Variants in FLT1 observed in about 807,000 individuals in gnomAD.
FLT1 encodes the protein fms related receptor tyrosine kinase 1.
FLT1 carries 49 observed loss-of-function variants against 156.3 expected under a neutral mutation model. The ratio of observed to expected loss-of-function variants is 0.31; its 90% CI spans 0.25 to 0.40. The LOEUF is 0.40. FLT1 is among the 10% of genes least tolerant of loss of function. FLT1 has a pLI of 1.00. For synonymous variants in FLT1, 594 were observed against 583.8 expected (o/e 1.02, Z -0.25); for missense variants, 1,322 against 1,637.2 (o/e 0.81, Z 3.32).
rs1488020390 is a variant in FLT1 at position 28,439,684 on chromosome 13, G to A, written c.389-1339C>T. On this transcript the variant is annotated intron_variant, in intron 3 of 29. Transcript: ENST00000282397. The surrounding 1 kb of genome is among the most constrained non-coding windows in gnomAD (Gnocchi z 4.1). Reference sequence around the variant, plus strand: ...GAAGGCAGTCATGTGAAGACAGACAGGGTGTGCAGACTCGCACTATGTGCA... The same window carrying A: ...GAAGGCAGTCATGTGAAGACAGACAAGGTGTGCAGACTCGCACTATGTGCA... 6.6e-6 allele frequency among the ~76,000 whole-genome samples: 1 copy of A among 152,232 alleles called. No individual in the cohort carries two copies. Among genetic ancestry groups the A allele is most frequent in the African/African-American group, 2.4e-5 (1 of 41,456 alleles).
In FLT1 at chr13:28,319,531, G is replaced by A. The variant is rs374452662; in HGVS notation, c.3178C>T (p.Arg1060Ter). The A allele has an allele frequency of 6.9e-6, 11 of 1,600,992 alleles. No homozygotes were observed. The highest frequency in any genetic ancestry group is 1.7e-5 in the Admixed American group (1 of 59,968). ...NPDYVRKGDT[R>*]LPLKWMAPES... The stretch of plus-strand genomic sequence containing the variant: ...GGAGCCATCCATTTCAGAGGAAGTC[G>A]AGTCTAGAAGAGGGCAAGGGGGCCT... The change falls in exon 24 of 30, where the codon CGA (arginine) becomes TGA (stop). Residue 1060 changes from arginine to a stop codon, truncating the protein, a stop_gained. Coordinates refer to ENST00000282397, the MANE Select transcript of FLT1 (RefSeq NM_002019.4). LOFTEE classifies it high-confidence loss of function.
intron 10 of FLT1, among the ~76,000 whole-genome samples, chr13:28,409,779 C>T (rs961283116): frequency 1.3e-5 from 2 of 152,098 alleles, no homozygotes; most frequent in African/African-American, 4.8e-5. Flanking sequence ...TATTATGCTT[C>T]AGTACTTCTT....
Position 28,437,987 on chromosome 13 carries a change from T to C in FLT1, c.513+234A>G, listed in dbSNP as rs139607742. 2.0e-5 allele frequency among the ~76,000 whole-genome samples: 3 copies of C among 152,374 alleles called. No homozygotes were observed. In the East Asian group the frequency reaches 5.8e-4, roughly 29 times the overall value. On this transcript the variant is annotated intron_variant, in intron 4 of 29. Coordinates refer to ENST00000282397, the MANE Select transcript of FLT1 (RefSeq NM_002019.4). ...ACATAACATTTTTCACGATTTCAGT[T>C]CTTTCATTATTCACATCGATTTATG...
intron 10 of FLT1, among the ~76,000 whole-genome samples, chr13:28,407,883 C>A (rs1875904905): frequency 2.0e-5 from 3 of 152,100 alleles, no homozygotes; most frequent in Admixed American, 2.0e-4. Context: ...GTCACTTTGC[C>A]TTATTTTTTC....
At chr13:28,486,427 G>A (rs1881170150) in intron 1 of FLT1, among the ~76,000 whole-genome samples, 1 of 152,266 alleles carries the variant, frequency 6.6e-6, no homozygotes. Flanking sequence ...CGGAAATGCA[G>A]ATACGGAGGC....
intron 12 of FLT1, 57 bp downstream of exon 12, chr13:28,396,903 G>A: frequency 2.0e-6 from 2 of 1,017,248 alleles, no homozygotes; most frequent in Non-Finnish European, 3.1e-6. Flanking sequence ...AAGCAAACAA[G>A]ACTGAAGAGA....
chr13:28,338,800 T>G (rs1279749757), intron 17 of FLT1, among the ~76,000 whole-genome samples: 10 of 152,144 alleles, frequency 6.6e-5, no homozygotes, highest in Admixed American at 6.6e-4. Flanking sequence ...TAAGCGTGCG[T>G]GTACTTGTAA....
intron 29 of FLT1, among the ~76,000 whole-genome samples, chr13:28,304,752 A>G (rs576364074): frequency 5.3e-5 from 8 of 152,122 alleles, no homozygotes; most frequent in Non-Finnish European, 1.0e-4. Context: ...TAGATTTACC[A>G]ATTCTGGGCA....
chr13:28,342,015 TA>T (rs1429887382), intron 16 of FLT1, among the ~76,000 whole-genome samples: 1 of 152,166 alleles, frequency 6.6e-6, no homozygotes, highest in African/African-American at 2.4e-5. Context: ...CCCGAGTAGC[TA>T]GGATCATAGG....
chr13:28,452,990 A>T (rs1461558802), intron 3 of FLT1, among the ~76,000 whole-genome samples: 4 of 87,006 alleles, frequency 4.6e-5, no homozygotes, highest in Non-Finnish European at 8.9e-5. Flanking sequence ...CTGGTGCTAT[A>T]TATTTCTTCC....
chr13:28,318,391 A>ACTGCC (rs1158481310), intron 24 of FLT1, among the ~76,000 whole-genome samples: 1 of 151,980 alleles, frequency 6.6e-6, no homozygotes, highest in South Asian at 2.1e-4. Flanking sequence ...TGCCAGCTTT[A>ACTGCC]CTGCCCAGGA....
At chr13:28,419,275 T>C (rs1354077005) in intron 10 of FLT1, among the ~76,000 whole-genome samples, 2 of 152,188 alleles carry the variant, frequency 1.3e-5, no homozygotes, top group Non-Finnish European at 2.9e-5. Context: ...TAAAGTCACA[T>C]AGATACCATA....
At chr13:28,487,121 TA>T (rs1881210709) in intron 1 of FLT1, among the ~76,000 whole-genome samples, 1 of 152,200 alleles carries the variant, frequency 6.6e-6, no homozygotes, top group African/African-American at 2.4e-5. Context: ...CCAGGAGCTT[TA>T]AAATTACCTA....
At chr13:28,402,691 T>C (rs534317505) in intron 11 of FLT1, among the ~76,000 whole-genome samples, 127 of 152,320 alleles carry the variant, frequency 8.3e-4, no homozygotes, top group Admixed American at 2.5e-3. Context: ...GGGAATTGCA[T>C]AAGGGTACAT....
rs555923116 is a variant in FLT1 at position 28,365,396 on chromosome 13, A to G, written c.2117-7711T>C. On this transcript the variant is annotated intron_variant, in intron 14 of 29. Transcript: ENST00000282397. ...GAGGCGGAGTCTTGCTCTGTCGCCC[A>G]GGCTAGAGTGAAGTGGTGCAATCTC... Among the ~76,000 whole-genome samples the G allele has an allele frequency of 4.6e-5, 7 of 151,756 alleles. No individual in the cohort carries two copies. In the East Asian group the frequency reaches 1.4e-3, roughly 29 times the overall value.
chr13:28,445,981 G>A (rs1481328038), intron 3 of FLT1, among the ~76,000 whole-genome samples: 2 of 151,794 alleles, frequency 1.3e-5, no homozygotes, highest in East Asian at 3.8e-4. Context: ...ATTTTTTTCA[G>A]GAATGCAAGA....
chr13:28,478,081 T>C (rs559740170), intron 1 of FLT1, among the ~76,000 whole-genome samples: 95 of 152,348 alleles, frequency 6.2e-4, no homozygotes, highest in African/African-American at 2.1e-3. Context: ...TGCTTTTAGC[T>C]GCAAGAGCAT....
intron 14 of FLT1, among the ~76,000 whole-genome samples, chr13:28,378,044 CTT>C (rs1216484597): frequency 6.7e-6 from 1 of 150,240 alleles, no homozygotes; most frequent in Non-Finnish European, 1.5e-5. Context: ...CTTCAAGAGA[CTT>C]AATCTTTTTT....
intron 1 of FLT1, among the ~76,000 whole-genome samples, chr13:28,489,832 G>A (rs600640): frequency 0.61 from 92,450 of 151,968 alleles, 28,402 homozygotes; most frequent in Admixed American, 0.67. Context: ...CCAAGTGCTC[G>A]TAAGGAAAGT....
Sources: gnomAD v4.1 joint callset for allele counts (sites outside exome capture counted in the v4.1 genomes callset) on GRCh38, gnomAD v4.1.1 for gene constraint, Gnocchi (gnomAD v3.1) non-coding constraint, MANE v1.5 for transcripts, NCBI Gene and HGNC (gene_info 2026-07-23, HGNC 2026-07-21) for gene names.